JARID2: variants seen among roughly 807,000 people sequenced by gnomAD.
JARID2 encodes the protein protein Jumonji.
JARID2 carries 21 observed loss-of-function variants against 125.6 expected under a neutral mutation model. The ratio of observed to expected loss-of-function variants is 0.17; its 90% CI spans 0.12 to 0.24. JARID2 has a LOEUF of 0.24. Among genes scored for constraint, JARID2 ranks in the 10% least tolerant of loss-of-function variants. The pLI, the probability that JARID2 is intolerant of heterozygous loss-of-function variation, is 1.00. For synonymous variants in JARID2, 736 were observed against 661.6 expected (o/e 1.11, Z -1.73); for missense variants, 1,303 against 1,639.6 (o/e 0.79, Z 3.55).
At chr6:15,279,942 A>G (rs1263535755) in intron 1 of JARID2, among the ~76,000 whole-genome samples, 3 of 152,152 alleles carry the variant, frequency 2.0e-5, no homozygotes, top group Non-Finnish European at 4.4e-5. Flanking sequence ...GATGAATTTG[A>G]TTAAATCCCC....
rs562946062 is a variant in JARID2 at position 15,496,671 on chromosome 6, C to A, written c.1446C>A (p.Asn482Lys). Residue 482 changes from asparagine (N) to lysine (K), a missense_variant, in exon 7 of 18, where the codon AAC (asparagine) becomes AAA (lysine). Physicochemically the swap from Asn to Lys is moderately conservative, Grantham distance 94. Transcript: ENST00000341776. ...CCCCGGCCGAGAGAGGTCTGCTGAA[C>A]GGACACGTGAAGAAGGAAGTGCCGG... The part of the protein sequence containing the change: ...KKAPAERGLL[N>K]GHVKKEVPER... The A allele has an allele frequency of 6.2e-7, 1 of 1,612,740 alleles. No homozygotes were observed. The highest frequency in any genetic ancestry group is 8.5e-7 in the Non-Finnish European group (1 of 1,179,896).
intron 1 of JARID2, among the ~76,000 whole-genome samples, chr6:15,288,943 C>T (rs1307462621): frequency 6.6e-6 from 1 of 152,140 alleles, no homozygotes; most frequent in Admixed American, 6.5e-5. Context: ...CAGCTTCTCT[C>T]GTTAGTGAGC....
intron 1 of JARID2, 82 bp from the exon 2 acceptor site, chr6:15,374,035 C>A (rs780547321): frequency 8.9e-5 from 136 of 1,529,142 alleles, no homozygotes; most frequent in Non-Finnish European, 1.2e-4. Context: ...TCGGAAATTC[C>A]TTTAAAATAA....
At chr6:15,341,440 G>A (rs929564989) in intron 1 of JARID2, among the ~76,000 whole-genome samples, 1 of 152,142 alleles carries the variant, frequency 6.6e-6, no homozygotes, top group Non-Finnish European at 1.5e-5. Flanking sequence ...AGTTTCTAGG[G>A]CAGGCCCCAG....
chr6:15,457,420 A>G (rs1340328164), intron 4 of JARID2, among the ~76,000 whole-genome samples: 3 of 152,106 alleles, frequency 2.0e-5, no homozygotes, highest in Admixed American at 6.6e-5. Context: ...CCAAGCCTCT[A>G]GTGTTCACCA....
chr6:15,262,804 T>A lies in JARID2; in HGVS notation c.45+16220T>A, dbSNP rs372612844. On this transcript the variant is annotated intron_variant, in intron 1 of 17. Transcript: ENST00000341776. ...CGGCCACCCAAAGTGCTGGGATTTA[T>A]AGGCGTGAGCCACCGTGCCCGGCCC... Among the ~76,000 whole-genome samples the A allele has an allele frequency of 3.9e-5, 6 of 152,126 alleles. No individual in the cohort carries two copies. In the East Asian group the frequency reaches 1.2e-3, roughly 29 times the overall value.
intron 1 of JARID2, among the ~76,000 whole-genome samples, chr6:15,334,061 A>C (rs1463994889): frequency 6.6e-6 from 1 of 152,218 alleles, no homozygotes; most frequent in Non-Finnish European, 1.5e-5. Flanking sequence ...GGGCTTGCTC[A>C]GTACATGCAG....
chr6:15,287,394 A>T (rs1761044407), intron 1 of JARID2, among the ~76,000 whole-genome samples: 1 of 152,248 alleles, frequency 6.6e-6, no homozygotes, highest in African/African-American at 2.4e-5. Context: ...CCTTTGTTGA[A>T]TAACAAGTCC....
intron 1 of JARID2, among the ~76,000 whole-genome samples, chr6:15,287,661 T>C (rs1285039740): frequency 6.6e-6 from 1 of 152,232 alleles, no homozygotes; most frequent in Non-Finnish European, 1.5e-5. Context: ...GAATCTCTTT[T>C]CCTTCTTCCT....
At chr6:15,480,930 A>G (rs1485548387) in intron 5 of JARID2, among the ~76,000 whole-genome samples, 2 of 152,232 alleles carry the variant, frequency 1.3e-5, no homozygotes, top group Non-Finnish European at 2.9e-5. Flanking sequence ...GCATCTAAAT[A>G]TGCGAACAAA....
intron 2 of JARID2, 93 bp from the exon 3 acceptor site, chr6:15,410,131 T>C: frequency 1.7e-6 from 2 of 1,165,964 alleles, no homozygotes; most frequent in Non-Finnish European, 2.4e-6. Context: ...CATTCTTGTC[T>C]GTCTTCATCA....
intron 1 of JARID2, among the ~76,000 whole-genome samples, chr6:15,321,757 C>G (rs9476815): frequency 7.5e-6 from 1 of 133,546 alleles, no homozygotes; most frequent in Non-Finnish European, 1.6e-5. Flanking sequence ...GAATAGCAAT[C>G]TAATTTTATA....
At chr6:15,494,509 C>T (rs1464109792) in intron 6 of JARID2, among the ~76,000 whole-genome samples, 4 of 145,460 alleles carry the variant, frequency 2.7e-5, no homozygotes, top group Non-Finnish European at 4.5e-5. Context: ...CCTGGGTTCA[C>T]GCCGTTCTTC....
intron 3 of JARID2, among the ~76,000 whole-genome samples, chr6:15,417,678 G>T (rs1185128311): frequency 6.6e-6 from 1 of 152,100 alleles, no homozygotes; most frequent in Non-Finnish European, 1.5e-5. Flanking sequence ...GGAGATGGAG[G>T]TTGCAGTTAG....
At chr6:15,345,713 T>G (rs1358977513) in intron 1 of JARID2, among the ~76,000 whole-genome samples, 1 of 152,254 alleles carries the variant, frequency 6.6e-6, no homozygotes, top group African/African-American at 2.4e-5. Flanking sequence ...TTTATTCCTC[T>G]TAGATGGAAA....
chr6:15,431,299 T>G (rs1033562109), intron 3 of JARID2, among the ~76,000 whole-genome samples: 1 of 152,166 alleles, frequency 6.6e-6, no homozygotes, highest in South Asian at 2.1e-4. Flanking sequence ...TCTTCCTGAT[T>G]AATGTTTTGA....
chr6:15,303,168 A>G (rs1561781184), intron 1 of JARID2, among the ~76,000 whole-genome samples: 1 of 152,268 alleles, frequency 6.6e-6, no homozygotes, highest in African/African-American at 2.4e-5. Flanking sequence ...TACTGTGACA[A>G]ACTAGTAGCA....
In JARID2 at chr6:15,346,955, C is replaced by T. The variant is rs191801846; in HGVS notation, c.46-27162C>T. Reference sequence around the variant, plus strand: ...TTCACCATGTTGGCTAGGCTGCTCTCGAACTCCTGACCTTGTGATCTGCCT... The same window carrying T: ...TTCACCATGTTGGCTAGGCTGCTCTTGAACTCCTGACCTTGTGATCTGCCT... On this transcript the variant is annotated intron_variant, in intron 1 of 17. Transcript: ENST00000341776. Among the ~76,000 whole-genome samples the T allele has an allele frequency of 1.5e-4, 23 of 152,168 alleles. No homozygotes were observed. In the East Asian group the frequency reaches 4.1e-3, roughly 27 times the overall value.
chr6:15,303,126 T>C (rs1761694345), intron 1 of JARID2, among the ~76,000 whole-genome samples: 1 of 152,216 alleles, frequency 6.6e-6, no homozygotes, highest in Non-Finnish European at 1.5e-5. Flanking sequence ...TAATTGATAA[T>C]TTATAAAGGT....
Sources: gnomAD v4.1 joint callset for allele counts (sites outside exome capture counted in the v4.1 genomes callset) on GRCh38, gnomAD v4.1.1 for gene constraint, MANE v1.5 for transcripts, NCBI Gene and HGNC (gene_info 2026-07-23, HGNC 2026-07-21) for gene names.